The following TRIM9 variants were observed in gnomAD, a reference collection of about 807,000 sequenced individuals.
The protein encoded by TRIM9 is tripartite motif containing 9.
A neutral mutation model predicts 78.3 loss-of-function variants in TRIM9; 26 were observed. The observed-to-expected ratio is 0.33, with a 90% CI of 0.24 to 0.46. TRIM9 has a LOEUF of 0.46. Ranked by LOEUF, TRIM9 falls within the 20% of genes least tolerant of loss-of-function variation. The probability of loss-of-function intolerance (pLI) is 1.00; values close to 1 mark genes in which losing one functional copy is unlikely to be tolerated. For synonymous variants in TRIM9, 398 were observed against 416.5 expected, an observed-to-expected ratio of 0.96 and a Z score of 0.54; for missense variants, 787 against 1,036.4, an observed-to-expected ratio of 0.76 and a Z score of 3.30.
intron 1 of TRIM9, among the ~76,000 whole-genome samples, chr14:51,026,198 C>A (rs2058217422): frequency 6.6e-6 from 1 of 152,130 alleles, no homozygotes; most frequent in African/African-American, 2.4e-5. Context: ...ATTGATGCAG[C>A]CTCTCCACTG....
intron 3 of TRIM9, among the ~76,000 whole-genome samples, chr14:51,015,367 TAGG>T (rs1475598327): frequency 6.6e-6 from 1 of 152,092 alleles, no homozygotes; most frequent in Non-Finnish European, 1.5e-5. Flanking sequence ...TGAGGTTAAT[TAGG>T]AGAATTTCAT....
At position 51,094,334 on chromosome 14, in the gene TRIM9, C is replaced by T. The variant is rs2064733650; in HGVS notation, c.606G>A (p.Gly202=). The T allele has an allele frequency of 6.2e-7, 1 of 1,613,266 alleles. No individual in the cohort carries two copies. Among genetic ancestry groups the T allele is most frequent in the African/African-American group, 1.3e-5 (1 of 74,946 alleles). ...GCACCAGGCGGTGCTTGGCTAGGGG[C>T]CCCCGGGGCGGGTGGCAGCGCAGGC... ...PCRLRCHPPR[G]PLAKHRLVPP... is the part of the protein sequence containing the mutation. Residue 202 remains glycine (G), a synonymous_variant, in exon 1 of 13, where the codon GGG becomes GGA. Coordinates refer to ENST00000684578, the MANE Select transcript of TRIM9 (RefSeq NM_001387360.1).
intron 1 of TRIM9, among the ~76,000 whole-genome samples, chr14:51,057,069 G>A (rs2060948786): frequency 6.6e-6 from 1 of 152,140 alleles, no homozygotes; most frequent in Admixed American, 6.5e-5. Context: ...ATTCATTTGG[G>A]TAGCCAGCAT....
At chr14:51,008,931 TCA>T in intron 5 of TRIM9, 147 bp downstream of exon 5, 1 of 764,858 alleles carries the variant, frequency 1.3e-6, no homozygotes, top group African/African-American at 1.7e-5. Context: ...GAAAGGTAGG[TCA>T]CACATTTATA....
intron 1 of TRIM9, among the ~76,000 whole-genome samples, chr14:51,061,415 GAA>G (rs369630215): frequency 2.2e-5 from 3 of 133,856 alleles, no homozygotes; most frequent in African/African-American, 2.7e-5. Context: ...TCTGTCTCAA[GAA>G]AAAAAAAAAA....
intron 5 of TRIM9, among the ~76,000 whole-genome samples, chr14:51,007,924 C>T (rs1022850618): frequency 2.0e-5 from 3 of 152,088 alleles, no homozygotes; most frequent in African/African-American, 7.2e-5. Flanking sequence ...GTAGACAGCC[C>T]TAAGACTTAC....
chr14:50,983,306 C>T (rs968445167), intron 9 of TRIM9, 74 bp downstream of exon 9: 20 of 1,240,746 alleles, frequency 1.6e-5, no homozygotes, highest in African/African-American at 1.2e-4. Flanking sequence ...GACAAGTTGC[C>T]GCCATTTATT....
rs2051048876 is a variant in TRIM9, at chr14:50,975,754, A to C, written c.*1537T>G. 1.3e-5 allele frequency: 2 copies of C among 152,630 alleles called. No individual in the cohort carries two copies. The highest frequency in any genetic ancestry group is 1.5e-5 in the Non-Finnish European group (1 of 68,038). 9.5% of individuals were successfully genotyped at this position (152,630 alleles called of 1,614,324 possible). A position where few individuals can be genotyped will look rare whatever the true frequency, so the allele number is the denominator to read the frequency against. On this transcript the variant is annotated 3_prime_UTR_variant, in exon 13 of 13. Transcript: ENST00000684578. ...ATGGTGAATTTCTTGGCTCACTGAA[A>C]AATATTTAGACAACTAATTAGAACT...
At chr14:50,997,325 A>G (rs1276241789) in intron 7 of TRIM9, 3 of 985,332 alleles carry the variant, frequency 3.0e-6, no homozygotes, top group Middle Eastern at 5.2e-4. Context: ...ATAGCTAAGA[A>G]GCAAAAATTC....
chr14:51,000,194 C>T (rs767847693), intron 6 of TRIM9, among the ~76,000 whole-genome samples: 54 of 152,094 alleles, frequency 3.6e-4, no homozygotes, highest in Non-Finnish European at 6.5e-4. Flanking sequence ...TCTTGGACAA[C>T]GGTTAATTAT....
chr14:51,030,507 C>T (rs950789876), intron 1 of TRIM9, among the ~76,000 whole-genome samples: 1 of 152,042 alleles, frequency 6.6e-6, no homozygotes, highest in Non-Finnish European at 1.5e-5. Context: ...CTATGATTTG[C>T]AAAAGAGTAG....
chr14:51,018,360 T>TC (rs1159447466), intron 3 of TRIM9, among the ~76,000 whole-genome samples: 3 of 151,296 alleles, frequency 2.0e-5, no homozygotes, highest in Non-Finnish European at 4.4e-5. Flanking sequence ...CCTTCCTCCC[T>TC]CCCCCCTTTC....
At chr14:51,081,902 A>G (rs1343458697) in intron 1 of TRIM9, among the ~76,000 whole-genome samples, 1 of 152,170 alleles carries the variant, frequency 6.6e-6, no homozygotes, top group East Asian at 1.9e-4. Flanking sequence ...GTGTTCTCTA[A>G]CCTGGAAACT....
chr14:51,011,743 G>A (rs1217755322), intron 3 of TRIM9, among the ~76,000 whole-genome samples: 3 of 152,064 alleles, frequency 2.0e-5, no homozygotes, highest in Admixed American at 6.6e-5. Flanking sequence ...ATGAGAAAAA[G>A]CAAATACTCT....
At position 51,000,805 on chromosome 14, in the gene TRIM9, G is replaced by C; in HGVS notation, c.1342C>G (p.Leu448Val). Residue 448 changes from leucine (L) to valine (V), a missense_variant, in exon 6 of 13, where the codon CTG (leucine) becomes GTG (valine). This residue lies in a region of TRIM9 where 421 missense variants were observed against 514.3 expected (regional missense o/e 0.82). Coordinates refer to ENST00000684578, the MANE Select transcript of TRIM9 (RefSeq NM_001387360.1). ...TTGTTGTGGGTACAACATTCCTCCA[G>C]CTGTAGGATAGGGGTTGCTGGGACT... ...SPVPATPILQ[L>V]EECCTHNNSA... is the part of the protein sequence containing the mutation. 6.2e-7 allele frequency: 1 copy of C among 1,614,208 alleles called. No homozygotes were observed.
chr14:51,071,630 T>C (rs1162651359), intron 1 of TRIM9, among the ~76,000 whole-genome samples: 2 of 151,256 alleles, frequency 1.3e-5, no homozygotes, highest in Admixed American at 6.6e-5. Context: ...CAGTGAGACT[T>C]TGTCTCTACT....
chr14:51,032,541 A>G (rs1672621944), intron 1 of TRIM9, among the ~76,000 whole-genome samples: 1 of 152,226 alleles, frequency 6.6e-6, no homozygotes, highest in Non-Finnish European at 1.5e-5. Context: ...CTGAAGAACC[A>G]TCCCAGATCT....
intron 4 of TRIM9, among the ~76,000 whole-genome samples, chr14:51,009,791 G>A (rs1322783103): frequency 2.0e-5 from 3 of 151,108 alleles, no homozygotes; most frequent in African/African-American, 4.9e-5. Flanking sequence ...GTTTAGTAGA[G>A]TGTGACTTGG....
chr14:50,977,414 T>C (rs1596076201), intron 12 of TRIM9, 61 bp from the exon 13 acceptor site: 1 of 1,315,438 alleles, frequency 7.6e-7, no homozygotes, highest in South Asian at 1.9e-5. Flanking sequence ...CTTTACACAG[T>C]GTACCGTGGG....
Sources: gnomAD v4.1 joint callset for allele counts (sites outside exome capture counted in the v4.1 genomes callset) on GRCh38, gnomAD v4.1.1 for gene constraint, gnomAD v4.1.1 regional missense constraint, MANE v1.5 for transcripts, NCBI Gene and HGNC (gene_info 2026-07-23, HGNC 2026-07-21) for gene names.